Variants in TCF7L1 observed in about 807,000 individuals in gnomAD.
The protein encoded by TCF7L1 is transcription factor 7-like 1.
In TCF7L1, 18 loss-of-function variants were observed where a neutral mutation model predicts 63.7. That is an observed-to-expected ratio of 0.28 (90% CI 0.20 to 0.42). TCF7L1 has a LOEUF of 0.42. Ranked by LOEUF, TCF7L1 falls within the 10% of genes least tolerant of loss-of-function variation. TCF7L1 has a pLI of 1.00. For synonymous variants in TCF7L1, 355 were observed against 340.9 expected (o/e 1.04, Z -0.46); for missense variants, 654 against 779.3 (o/e 0.84, Z 1.91).
intron 3 of TCF7L1, among the ~76,000 whole-genome samples, chr2:85,245,225 A>G (rs530508980): frequency 1.5e-4 from 23 of 152,330 alleles, no homozygotes; most frequent in African/African-American, 5.1e-4. Flanking sequence ...GCCTTATCTG[A>G]GAAGATTGGT....
At chr2:85,277,030 G>A (rs1400276754) in intron 3 of TCF7L1, among the ~76,000 whole-genome samples, 2 of 152,236 alleles carry the variant, frequency 1.3e-5, no homozygotes, top group Non-Finnish European at 1.5e-5. Flanking sequence ...AGCATGGTGC[G>A]TTCAGAGTGC....
chr2:85,180,269 T>C (rs1354057149), intron 3 of TCF7L1, among the ~76,000 whole-genome samples: 1 of 151,388 alleles, frequency 6.6e-6, no homozygotes, highest in Non-Finnish European at 1.5e-5. Flanking sequence ...TCTTGCTATG[T>C]TGTATGTTAC....
At chr2:85,207,485 G>C (rs1414978824) in intron 3 of TCF7L1, among the ~76,000 whole-genome samples, 1 of 151,870 alleles carries the variant, frequency 6.6e-6, no homozygotes, top group Non-Finnish European at 1.5e-5. Flanking sequence ...CACAGCTGCC[G>C]GCTAGCTATC....
intron 3 of TCF7L1, among the ~76,000 whole-genome samples, chr2:85,224,872 G>A (rs1051732830): frequency 7.2e-5 from 11 of 152,132 alleles, no homozygotes; most frequent in Non-Finnish European, 4.4e-5. Context: ...TGTCCTGAAT[G>A]GTATTGCCTA....
intron 3 of TCF7L1, among the ~76,000 whole-genome samples, chr2:85,213,229 T>C (rs1234129562): frequency 6.6e-6 from 1 of 152,170 alleles, no homozygotes; most frequent in African/African-American, 2.4e-5. Flanking sequence ...GACAAGGAAC[T>C]GTATTAAACT....
intron 3 of TCF7L1, among the ~76,000 whole-genome samples, chr2:85,172,693 T>G (rs920319056): frequency 6.6e-6 from 1 of 152,222 alleles, no homozygotes; most frequent in Non-Finnish European, 1.5e-5. Flanking sequence ...CCCAAAGTGC[T>G]AGATTTATAG....
chr2:85,210,931 C>T (rs1167460517), intron 3 of TCF7L1, among the ~76,000 whole-genome samples: 1 of 152,154 alleles, frequency 6.6e-6, no homozygotes, highest in Admixed American at 6.5e-5. Flanking sequence ...GTGGCAGAGC[C>T]CAGGAACCTG....
chr2:85,221,931 T>TAA lies in TCF7L1; in HGVS notation c.442-61551_442-61550dup, dbSNP rs58252836. On this transcript the variant is annotated intron_variant, in intron 3 of 11. Transcript: ENST00000282111. ...GGATATGATTAGCAAAATCCAGACT[T>TAA]AAAAAAAAAAAAAACTACAGGAACA... is the stretch of plus-strand genomic sequence containing the variant. Among the ~76,000 whole-genome samples the TAA allele has an allele frequency of 5.4e-3, 767 of 141,968 alleles. 5 individuals carry two copies. The highest frequency in any genetic ancestry group is 0.018 in the African/African-American group (715 of 39,618). The allele number at this position is 141,968 out of a possible 152,430, so 93.1% of individuals were successfully genotyped here. A position where few individuals can be genotyped will look rare whatever the true frequency, so the allele number is the denominator to read the frequency against.
In TCF7L1 at chr2:85,306,314, T is replaced by C; in HGVS notation, c.1098T>C (p.Ala366=). ...YMKEMRAKVV[A]ECTLKESAAI... Reference sequence around the variant, plus strand: ...AGGAGATGAGGGCCAAGGTGGTGGCTGAGTGCACCCTGAAGGAAAGTGCAG... The same window carrying C: ...AGGAGATGAGGGCCAAGGTGGTGGCCGAGTGCACCCTGAAGGAAAGTGCAG... Residue 366 remains alanine (A), a synonymous_variant, in exon 9 of 12, where the codon GCT becomes GCC. Transcript: ENST00000282111. The surrounding 1 kb of genome is among the most constrained non-coding windows in gnomAD (Gnocchi z 4.3). 6.2e-7 allele frequency: 1 copy of C among 1,614,216 alleles called. No individual in the cohort carries two copies. The highest frequency in any genetic ancestry group is 8.5e-7 in the Non-Finnish European group (1 of 1,180,044).
At chr2:85,238,777 T>TTTTATTTATTTA (rs200688175) in intron 3 of TCF7L1, among the ~76,000 whole-genome samples, 2 of 139,368 alleles carry the variant, frequency 1.4e-5, no homozygotes, top group Non-Finnish European at 3.1e-5. Context: ...TTTTGGAGCA[T>TTTTATTTATTTA]TTTATTTATT....
chr2:85,139,143 G>A (rs1677661757), intron 3 of TCF7L1, among the ~76,000 whole-genome samples: 1 of 152,024 alleles, frequency 6.6e-6, no homozygotes, highest in African/African-American at 2.4e-5. Flanking sequence ...TGAGTAGCTG[G>A]GATTACAGGT....
At chr2:85,242,021 T>G (rs1303637901) in intron 3 of TCF7L1, among the ~76,000 whole-genome samples, 2 of 49,284 alleles carry the variant, frequency 4.1e-5, no homozygotes, top group Non-Finnish European at 8.1e-5. Context: ...GGGGCGGTGG[T>G]GCGGGGGGGC....
At chr2:85,163,004 TC>T (rs1440071944) in intron 3 of TCF7L1, among the ~76,000 whole-genome samples, 3 of 152,006 alleles carry the variant, frequency 2.0e-5, no homozygotes, top group Non-Finnish European at 4.4e-5. Context: ...CAGAGCACAC[TC>T]CCCAGAACCA....
intron 3 of TCF7L1, among the ~76,000 whole-genome samples, chr2:85,185,854 A>C (rs866180025): frequency 3.2e-4 from 48 of 151,434 alleles, no homozygotes; most frequent in Middle Eastern, 3.4e-3. Context: ...GAGGCCTCCT[A>C]GTCTGTTTGT....
intron 4 of TCF7L1, among the ~76,000 whole-genome samples, chr2:85,290,447 A>G (rs1681681711): frequency 6.6e-6 from 1 of 152,186 alleles, no homozygotes; most frequent in Non-Finnish European, 1.5e-5. Flanking sequence ...AAGTGCTAGG[A>G]TTACAGGCAT....
chr2:85,250,185 G>A (rs1263071468), intron 3 of TCF7L1, among the ~76,000 whole-genome samples: 1 of 152,134 alleles, frequency 6.6e-6, no homozygotes, highest in East Asian at 1.9e-4. Context: ...TTTCCATGAT[G>A]TAAATACTCT....
chr2:85,305,435 AGGG>A (rs750115908), intron 8 of TCF7L1, 32 bp downstream of exon 8: 15 of 1,584,672 alleles, frequency 9.5e-6, no homozygotes, highest in Non-Finnish European at 3.4e-6. Flanking sequence ...TTCAGGTGGG[AGGG>A]TGCAGGCTGT....
At chr2:85,241,125 A>G (rs1041492052) in intron 3 of TCF7L1, among the ~76,000 whole-genome samples, 1 of 152,240 alleles carries the variant, frequency 6.6e-6, no homozygotes, top group African/African-American at 2.4e-5. Flanking sequence ...ATTTAACTCA[A>G]TTGGGAAGGG....
chr2:85,213,831 T>A (rs1043815859), intron 3 of TCF7L1: 1 of 152,260 alleles, frequency 6.6e-6, no homozygotes, highest in African/African-American at 2.4e-5. Context: ...TGTGCTAGCC[T>A]TTTTGTGTCA....
Sources: allele counts gnomAD v4.1 joint callset (sites outside exome capture counted in the v4.1 genomes callset), GRCh38; gene constraint gnomAD v4.1.1; non-coding constraint Gnocchi (gnomAD v3.1); transcripts MANE v1.5; gene names NCBI Gene and HGNC (gene_info 2026-07-23, HGNC 2026-07-21).